ADAMTS19: variants seen among roughly 807,000 people sequenced by gnomAD.
The protein encoded by ADAMTS19 is A disintegrin and metalloproteinase with thrombospondin motifs 19.
A neutral mutation model predicts 153.3 loss-of-function variants in ADAMTS19; 93 were observed. The observed-to-expected ratio is 0.61, with a 90% CI of 0.51 to 0.72. The LOEUF (loss-of-function observed/expected upper bound fraction) is 0.72, where lower values mean the gene tolerates loss of function less well. ADAMTS19 is among the 30% of genes least tolerant of loss of function. The pLI is 0.00. For synonymous variants in ADAMTS19, 600 were observed against 556.6 expected (o/e 1.08, Z -1.10); for missense variants, 1,482 against 1,552.1 (o/e 0.95, Z 0.76).
intron 6 of ADAMTS19, among the ~76,000 whole-genome samples, chr5:129,531,417 G>A (rs1488691992): frequency 6.6e-6 from 1 of 152,114 alleles, no homozygotes; most frequent in Non-Finnish European, 1.5e-5. Context: ...CTGAGGCCAG[G>A]GATTCAAGAC....
At chr5:129,485,254 G>A (rs558256959) in intron 2 of ADAMTS19, among the ~76,000 whole-genome samples, 3 of 152,160 alleles carry the variant, frequency 2.0e-5, no homozygotes, top group East Asian at 3.9e-4. Context: ...TAAATAACAT[G>A]AGACAAAGAA....
At chr5:129,633,332 A>G (rs57818014) in intron 10 of ADAMTS19, among the ~76,000 whole-genome samples, 6,352 of 152,248 alleles carry the variant, frequency 0.042, 417 homozygotes, top group African/African-American at 0.14. Context: ...TATGAAAATC[A>G]TAACACATGT....
intron 7 of ADAMTS19, among the ~76,000 whole-genome samples, chr5:129,586,122 A>G (rs12719402): frequency 0.78 from 118,992 of 152,034 alleles, 47,586 homozygotes; most frequent in Non-Finnish European, 0.88. Context: ...CATTATCAAC[A>G]TTCACCACTA....
chr5:129,569,885 T>C (rs1158473347), intron 7 of ADAMTS19, among the ~76,000 whole-genome samples: 1 of 151,898 alleles, frequency 6.6e-6, no homozygotes, highest in Admixed American at 6.6e-5. Context: ...ACATCAATAA[T>C]CTAAGAATCT....
chr5:129,702,929 C>CA (rs376208133), intron 20 of ADAMTS19, among the ~76,000 whole-genome samples: 1,083 of 43,820 alleles, frequency 0.025, 11 homozygotes, highest in Middle Eastern at 0.044. Context: ...TTTGACTTGC[C>CA]AAAAAAAAAA....
At chr5:129,499,719 T>G (rs1196341514) in intron 2 of ADAMTS19, among the ~76,000 whole-genome samples, 1 of 152,086 alleles carries the variant, frequency 6.6e-6, no homozygotes, top group East Asian at 1.9e-4. Flanking sequence ...AAAATATAGA[T>G]GGTTTAAAAA....
intron 8 of ADAMTS19, among the ~76,000 whole-genome samples, chr5:129,600,848 A>C (rs1750611047): frequency 8.5e-6 from 1 of 117,340 alleles, no homozygotes; most frequent in South Asian, 2.9e-4. Context: ...CTAAACAATA[A>C]GTAGTAGGAG....
chr5:129,608,050 CACA>C (rs1285322221), intron 8 of ADAMTS19, among the ~76,000 whole-genome samples: 2 of 140,714 alleles, frequency 1.4e-5, no homozygotes, highest in East Asian at 2.1e-4. Flanking sequence ...TATATATACA[CACA>C]ACAGAATATT....
At chr5:129,734,081 A>T (rs1186865361) in intron 21 of ADAMTS19, among the ~76,000 whole-genome samples, 1 of 151,908 alleles carries the variant, frequency 6.6e-6, no homozygotes, top group Non-Finnish European at 1.5e-5. Flanking sequence ...AATAACTCAG[A>T]AACAGAAAAT....
Position 129,647,865 on chromosome 5 carries a change from G to C in ADAMTS19, c.1973G>C (p.Gly658Ala). ...WSPCSRTCSA[G>A]ISSRERKCPG... Reference sequence around the variant, plus strand: ...CCTTGTAGCCGAACCTGCAGTGCTGGGATCAGCAGTCGAGAGCGCAAATGT... The same window carrying C: ...CCTTGTAGCCGAACCTGCAGTGCTGCGATCAGCAGTCGAGAGCGCAAATGT... Residue 658 changes from glycine to alanine, a missense_variant, in exon 12 of 23, where the codon GGG becomes GCG. Physicochemically the swap from Gly to Ala is moderately conservative, Grantham distance 60 (BLOSUM62 0). This residue lies in a region of ADAMTS19 where 616 missense variants were observed against 724.4 expected (regional missense o/e 0.85). Coordinates refer to ENST00000274487, the MANE Select transcript of ADAMTS19 (RefSeq NM_133638.6). The C allele has an allele frequency of 6.2e-7, 1 of 1,613,904 alleles. No homozygotes were observed. The highest frequency in any genetic ancestry group is 8.5e-7 in the Non-Finnish European group (1 of 1,179,864).
intron 7 of ADAMTS19, among the ~76,000 whole-genome samples, chr5:129,578,146 A>G (rs1194180600): frequency 1.6e-5 from 2 of 125,542 alleles, no homozygotes; most frequent in Non-Finnish European, 3.4e-5. Flanking sequence ...ACCTATATGC[A>G]TGTATATGTA....
In ADAMTS19 at chr5:129,486,725, T is replaced by G. The variant is rs535939231; in HGVS notation, c.748-22352T>G. Among the ~76,000 whole-genome samples, 32 of 152,174 alleles carry G rather than the reference T, an allele frequency of 2.1e-4. No individual in the cohort carries two copies. The South Asian group carries it at 4.2e-3, about 20-fold the overall frequency. Reference sequence around the variant, plus strand: ...CTTCTATTCAACATTGCAATGAAGATTCTAGCCACAACAATAAGCAAAATA... The same window carrying G: ...CTTCTATTCAACATTGCAATGAAGAGTCTAGCCACAACAATAAGCAAAATA... On this transcript the variant is annotated intron_variant, in intron 2 of 22. Transcript: ENST00000274487.
intron 3 of ADAMTS19, among the ~76,000 whole-genome samples, chr5:129,522,299 G>GTGTATA (rs1361330810): frequency 2.0e-5 from 2 of 97,736 alleles, no homozygotes; most frequent in African/African-American, 4.5e-5. Flanking sequence ...GTGTGTGTGT[G>GTGTATA]TATATATATA....
chr5:129,722,804 A>T (rs1157572377), intron 21 of ADAMTS19, among the ~76,000 whole-genome samples: 3 of 152,158 alleles, frequency 2.0e-5, no homozygotes, highest in African/African-American at 4.8e-5. Flanking sequence ...TTCTCGTGTT[A>T]TTTAACTTGT....
intron 6 of ADAMTS19, among the ~76,000 whole-genome samples, chr5:129,544,723 G>C (rs1752793139): frequency 6.6e-6 from 1 of 152,146 alleles, no homozygotes; most frequent in African/African-American, 2.4e-5. Context: ...TAATGAGTCT[G>C]TGCAAAGTGG....
At position 129,538,366 on chromosome 5, in the gene ADAMTS19, T is replaced by G. The variant is rs1400513752; in HGVS notation, c.1328+9689T>G. On this transcript the variant is annotated intron_variant, in intron 6 of 22. Transcript: ENST00000274487. ...ATCATAGTCTACATACAAGTTTTGT[T>G]TCTCACCAACAAAATATATTGTGGC... Among the ~76,000 whole-genome samples the G allele has an allele frequency of 2.6e-5, 4 of 152,238 alleles. No homozygotes were observed. The East Asian group carries it at 7.7e-4, about 29-fold the overall frequency.
At chr5:129,596,463 C>A in intron 7 of ADAMTS19, 96 bp from the exon 8 acceptor site, 1 of 821,204 alleles carries the variant, frequency 1.2e-6, no homozygotes, top group Non-Finnish European at 1.9e-6. Flanking sequence ...ACATTTTAGT[C>A]GTGACAACTG....
intron 6 of ADAMTS19, among the ~76,000 whole-genome samples, chr5:129,545,669 A>T (rs1752829789): frequency 1.3e-5 from 2 of 151,604 alleles, no homozygotes; most frequent in Non-Finnish European, 2.9e-5. Flanking sequence ...AGAAATGCAA[A>T]TCAAAACCAC....
chr5:129,653,683 A>G (rs570519250), intron 13 of ADAMTS19, among the ~76,000 whole-genome samples: 2 of 152,318 alleles, frequency 1.3e-5, no homozygotes, highest in African/African-American at 4.8e-5. Context: ...TTTCTGTTGC[A>G]TTGTAGTAAC....
Sources: gnomAD v4.1 joint callset for allele counts (sites outside exome capture counted in the v4.1 genomes callset) on GRCh38, gnomAD v4.1.1 for gene constraint, gnomAD v4.1.1 regional missense constraint, MANE v1.5 for transcripts, NCBI Gene and HGNC (gene_info 2026-07-23, HGNC 2026-07-21) for gene names.